Variants in ERAP1 observed in about 807,000 individuals in gnomAD.
ERAP1 encodes the protein adipocyte-derived leucine aminopeptidase.
In ERAP1, 86 loss-of-function variants were observed where a neutral mutation model predicts 103.7. The ratio of observed to expected loss-of-function variants is 0.83; its 90% CI spans 0.70 to 0.99. The LOEUF (loss-of-function observed/expected upper bound fraction) is 0.99, where lower values mean the gene tolerates loss of function less well. Ranked by LOEUF, ERAP1 falls within the 50% of genes least tolerant of loss-of-function variation. The pLI, the probability that ERAP1 is intolerant of heterozygous loss-of-function variation, is 0.00. For synonymous variants in ERAP1, 398 were observed against 402.4 expected (o/e 0.99, Z 0.13); for missense variants, 1,009 against 1,128.4 (o/e 0.89, Z 1.52).
At position 96,788,525 on chromosome 5, in the gene ERAP1, C is replaced by A. The variant is rs572090160; in HGVS notation, c.1679+6G>T. 1 of 1,614,080 alleles carries A rather than the reference C, an allele frequency of 6.2e-7. No homozygotes were observed. Among genetic ancestry groups the A allele is most frequent in the African/African-American group, 1.3e-5 (1 of 75,036 alleles). ...AACAAAACAAATTTTACTCTAGGAG[C>A]ATTACCCAGTGTCCGGGGCGCCGTC... On this transcript the variant is annotated splice_donor_region_variant and intron_variant, in intron 11 of 18. Transcript: ENST00000443439.
chr5:96,812,978 A>T (rs1034981497), upstream of ERAP1, among the ~76,000 whole-genome samples: 2 of 152,066 alleles, frequency 1.3e-5, no homozygotes, highest in African/African-American at 4.8e-5. Context: ...TTCTTTCCCA[A>T]CCCTTCCTAA....
chr5:96,838,587 T>C, the ERAP1 span, among the ~76,000 whole-genome samples: 1 of 151,194 alleles, frequency 6.6e-6, no homozygotes, highest in Non-Finnish European at 1.5e-5. Context: ...TCCTTCCATA[T>C]ATTTCCTCCC....
rs747699475 is a variant in ERAP1, at chr5:96,781,237, G to A, written c.2448-39C>T. The A allele has an allele frequency of 4.4e-6, 7 of 1,587,336 alleles. No individual in the cohort carries two copies. In the Admixed American group the frequency reaches 8.4e-5, roughly 19 times the overall value. On this transcript the variant is annotated intron_variant, in intron 16 of 18. Transcript: ENST00000443439. ...GAAAAGAAATGTTAGCAATGAATAG[G>A]TGATGAAACAGTTATGAATCACTGC...
the ERAP1 span, chr5:96,912,772 G>A: frequency 3.7e-6 from 6 of 1,601,496 alleles, no homozygotes; most frequent in South Asian, 2.3e-5. Flanking sequence ...CTTTGTCAAC[G>A]AGCAAGCATC....
the ERAP1 span, among the ~76,000 whole-genome samples, chr5:96,893,519 G>T: frequency 1.3e-5 from 2 of 152,106 alleles, no homozygotes; most frequent in Non-Finnish European, 2.9e-5. Context: ...GAGTCACCAG[G>T]AGCTCTAAAG....
the ERAP1 span, among the ~76,000 whole-genome samples, chr5:96,931,369 T>A: frequency 1.3e-5 from 2 of 152,020 alleles, no homozygotes; most frequent in African/African-American, 4.8e-5. Flanking sequence ...GGGGTACACG[T>A]TGGTCTTGAA....
In ERAP1 at chr5:96,774,732, T is replaced by A; in HGVS notation, c.*1664A>T. The A allele has an allele frequency of 1.0e-6, 1 of 983,210 alleles. No homozygotes were observed. Among genetic ancestry groups the A allele is most frequent in the East Asian group, 1.1e-4 (1 of 8,950 alleles). The allele number at this position is 983,210 out of a possible 1,614,324, so 60.9% of individuals were successfully genotyped here. On this transcript the variant is annotated 3_prime_UTR_variant, in exon 19 of 19. Transcript: ENST00000443439. ...AGAAGGGAAATAGTTTAGTTTGGGG[T>A]GGAAATTACCAGTGATTTCTATTTT... is the stretch of plus-strand genomic sequence containing the variant.
the ERAP1 span, among the ~76,000 whole-genome samples, chr5:96,928,951 T>C: frequency 5.9e-5 from 9 of 152,200 alleles, no homozygotes; most frequent in African/African-American, 1.7e-4. Flanking sequence ...GTATATGGCC[T>C]TCCTCTAGGA....
the ERAP1 span, among the ~76,000 whole-genome samples, chr5:96,862,152 A>AT: frequency 6.6e-6 from 1 of 151,838 alleles, no homozygotes; most frequent in Admixed American, 6.6e-5. Context: ...AGCTAGTTTT[A>AT]TTTTTTTCTT....
At chr5:96,770,836 CTG>C (rs1772040179), downstream of ERAP1, among the ~76,000 whole-genome samples, 1 of 152,080 alleles carries the variant, frequency 6.6e-6, no homozygotes, top group African/African-American at 2.4e-5. Context: ...CCCAATTTGC[CTG>C]TGTTTTGCCT....
chr5:96,850,573 A>G, the ERAP1 span, among the ~76,000 whole-genome samples: 1 of 152,274 alleles, frequency 6.6e-6, no homozygotes, highest in South Asian at 2.1e-4. Context: ...GGCTATAATT[A>G]AAAAGATGAA....
the ERAP1 span, among the ~76,000 whole-genome samples, chr5:96,854,148 A>G: frequency 6.6e-6 from 1 of 152,154 alleles, no homozygotes; most frequent in Non-Finnish European, 1.5e-5. Context: ...CGAGCTAATT[A>G]CTTTAGTTTC....
the ERAP1 span, among the ~76,000 whole-genome samples, chr5:96,836,190 T>TTG: frequency 1.3e-5 from 2 of 150,122 alleles, no homozygotes; most frequent in East Asian, 1.9e-4. Context: ...TTTTTTTTTT[T>TTG]TTTTTTCTGT....
the ERAP1 span, chr5:96,895,480 C>T: frequency 1.4e-6 from 1 of 724,382 alleles, no homozygotes; most frequent in East Asian, 2.8e-5. Context: ...GAACATATGG[C>T]ATTTTGTTTG....
the ERAP1 span, among the ~76,000 whole-genome samples, chr5:96,850,437 T>G: frequency 2.0e-5 from 3 of 152,154 alleles, 1 homozygote; most frequent in East Asian, 3.8e-4. Flanking sequence ...AAAACCTGCA[T>G]AGACATTTCT....
At chr5:96,839,922 A>G in the ERAP1 span, among the ~76,000 whole-genome samples, 1 of 152,162 alleles carries the variant, frequency 6.6e-6, no homozygotes, top group Non-Finnish European at 1.5e-5. Flanking sequence ...TTCCTGTTGT[A>G]CATTCTCATA....
At chr5:96,840,981 G>A in the ERAP1 span, among the ~76,000 whole-genome samples, 1 of 152,164 alleles carries the variant, frequency 6.6e-6, no homozygotes, top group African/African-American at 2.4e-5. Context: ...TGGGATTACA[G>A]GCATGAGCCA....
At chr5:96,819,203 C>T in the ERAP1 span, among the ~76,000 whole-genome samples, 1 of 152,166 alleles carries the variant, frequency 6.6e-6, no homozygotes, top group Non-Finnish European at 1.5e-5. Context: ...GGATTCCAGG[C>T]GTGAGCCACC....
the ERAP1 span, among the ~76,000 whole-genome samples, chr5:96,860,007 G>C: frequency 1.8e-4 from 28 of 152,106 alleles, no homozygotes; most frequent in African/African-American, 6.3e-4. Context: ...ATCATATTGA[G>C]ATAAAGTACA....
Sources: allele counts gnomAD v4.1 joint callset (sites outside exome capture counted in the v4.1 genomes callset), GRCh38; gene constraint gnomAD v4.1.1; transcripts MANE v1.5; gene names NCBI Gene and HGNC (gene_info 2026-07-23, HGNC 2026-07-21).